The following NRXN3 variants were observed in gnomAD, a reference collection of about 807,000 sequenced individuals.
NRXN3 encodes neurexin 3.
Under a neutral mutation model 137.6 loss-of-function variants are expected in NRXN3, and 32 were observed. That is an observed-to-expected ratio of 0.23 (90% confidence interval 0.18 to 0.31). The LOEUF is 0.31. Among genes scored for constraint, NRXN3 ranks in the 10% least tolerant of loss-of-function variants. The probability of loss-of-function intolerance (pLI) is 1.00; values close to 1 mark genes in which losing one functional copy is unlikely to be tolerated. For missense variants in NRXN3, 1,574 were observed against 2,062.5 expected (o/e 0.76, Z 4.59); for synonymous variants, 798 against 784.5 (o/e 1.02, Z -0.29).
chr14:78,877,695 G>A (rs1596823255), intron 10 of NRXN3, among the ~76,000 whole-genome samples: 1 of 152,130 alleles, frequency 6.6e-6, no homozygotes, highest in Admixed American at 6.5e-5. Flanking sequence ...TGTAGAAATA[G>A]TAAAAGCAAA....
intron 19 of NRXN3, among the ~76,000 whole-genome samples, chr14:79,786,953 G>T (rs1278326378): frequency 2.6e-5 from 4 of 152,188 alleles, no homozygotes; most frequent in Admixed American, 2.6e-4. Context: ...AAGAATCATA[G>T]GTTCCTCCTA....
chr14:79,408,564 T>C (rs891935484), intron 15 of NRXN3, among the ~76,000 whole-genome samples: 1 of 152,144 alleles, frequency 6.6e-6, no homozygotes, highest in Non-Finnish European at 1.5e-5. Flanking sequence ...AGACCTAACC[T>C]CAAGCATTTG....
chr14:79,096,589 T>C (rs2050379573), intron 15 of NRXN3, among the ~76,000 whole-genome samples: 1 of 125,768 alleles, frequency 8.0e-6, no homozygotes, highest in African/African-American at 3.0e-5. Flanking sequence ...CTTGTGAAAA[T>C]TGAGATAATG....
At chr14:79,247,385 A>G (rs2075334118) in intron 15 of NRXN3, 1 of 152,140 alleles carries the variant, frequency 6.6e-6, no homozygotes, top group South Asian at 2.1e-4. Context: ...TTAGCAAAAT[A>G]TGCATTGCCA....
At chr14:79,176,605 G>A (rs574292999) in intron 15 of NRXN3, among the ~76,000 whole-genome samples, 5 of 152,270 alleles carry the variant, frequency 3.3e-5, no homozygotes, top group Admixed American at 6.5e-5. Context: ...TGCTGTGCTC[G>A]TTCAGTCCTC....
rs2099416945 is a variant in NRXN3, at chr14:78,966,117, A to G, written c.2488A>G (p.Ser830Gly). The G allele has an allele frequency of 6.2e-7, 1 of 1,614,184 alleles. No homozygotes were observed. The change falls in exon 12 of 21, where the codon AGC (serine) becomes GGC (glycine). Residue 830 changes from serine to glycine, a missense_variant. Coordinates refer to ENST00000335750, the MANE Select transcript of NRXN3 (RefSeq NM_001330195.2). ...EKRYISVVPS[S>G]FIGHLQSLMF... Reference sequence around the variant, plus strand: ...ACGCTACATCTCCGTTGTCCCCTCCAGCTTTATTGGCCATCTGCAGAGCCT... The same window carrying G: ...ACGCTACATCTCCGTTGTCCCCTCCGGCTTTATTGGCCATCTGCAGAGCCT...
intron 15 of NRXN3, among the ~76,000 whole-genome samples, chr14:78,995,606 A>T (rs777414979): frequency 2.0e-5 from 3 of 152,216 alleles, no homozygotes; most frequent in Non-Finnish European, 2.9e-5. Flanking sequence ...AGTTTAGGAG[A>T]TATGGCACAT....
chr14:79,191,332 A>G (rs902359995), intron 15 of NRXN3, among the ~76,000 whole-genome samples: 6 of 152,218 alleles, frequency 3.9e-5, no homozygotes, highest in African/African-American at 1.4e-4. Context: ...TCAGAAATTG[A>G]TGATAGATGA....
intron 15 of NRXN3, among the ~76,000 whole-genome samples, chr14:79,363,736 C>A (rs1375880933): frequency 6.6e-6 from 1 of 152,186 alleles, no homozygotes; most frequent in Non-Finnish European, 1.5e-5. Context: ...ATGATATTTT[C>A]ATTCCAGCTC....
At chr14:78,416,722 T>C (rs1353455699) in intron 4 of NRXN3, among the ~76,000 whole-genome samples, 1 of 152,232 alleles carries the variant, frequency 6.6e-6, no homozygotes, top group Non-Finnish European at 1.5e-5. Context: ...GGCACATGGA[T>C]CCAGGTGGGC....
At chr14:79,655,057 C>G (rs2098498821) in intron 16 of NRXN3, among the ~76,000 whole-genome samples, 1 of 152,190 alleles carries the variant, frequency 6.6e-6, no homozygotes. Flanking sequence ...GAAGAAATTT[C>G]TCCTTTGCAT....
chr14:79,475,316 A>G (rs903113399), intron 16 of NRXN3, among the ~76,000 whole-genome samples: 2 of 152,166 alleles, frequency 1.3e-5, no homozygotes, highest in African/African-American at 4.8e-5. Context: ...GAAAGGCCAA[A>G]TGGCTATATC....
At chr14:79,395,845 A>G (rs1385033962) in intron 15 of NRXN3, among the ~76,000 whole-genome samples, 1 of 152,070 alleles carries the variant, frequency 6.6e-6, no homozygotes, top group East Asian at 1.9e-4. Flanking sequence ...AATATAAAAC[A>G]ATGAAATAAA....
chr14:78,559,283 A>G (rs1252015063), intron 4 of NRXN3, among the ~76,000 whole-genome samples: 1 of 152,150 alleles, frequency 6.6e-6, no homozygotes, highest in Admixed American at 6.5e-5. Context: ...CATGCTGTAT[A>G]TCTTAATGCA....
chr14:78,941,639 A>C (rs148338408), intron 10 of NRXN3, among the ~76,000 whole-genome samples: 1 of 152,220 alleles, frequency 6.6e-6, no homozygotes, highest in African/African-American at 2.4e-5. Flanking sequence ...TTGGCTTTGC[A>C]TCTACTTAGT....
At chr14:78,936,850 C>G (rs1018694977) in intron 10 of NRXN3, among the ~76,000 whole-genome samples, 1 of 152,018 alleles carries the variant, frequency 6.6e-6, no homozygotes, top group Admixed American at 6.5e-5. Flanking sequence ...AGAATCTTAC[C>G]CTTTTCATGC....
At chr14:78,224,487 C>T (rs1234906957) in intron 1 of NRXN3, among the ~76,000 whole-genome samples, 1 of 151,990 alleles carries the variant, frequency 6.6e-6, no homozygotes, top group Non-Finnish European at 1.5e-5. Flanking sequence ...CATGTGTTCT[C>T]ATTGTTCAAT....
chr14:78,828,541 A>G (rs1446798229), intron 10 of NRXN3, among the ~76,000 whole-genome samples: 1 of 152,228 alleles, frequency 6.6e-6, no homozygotes, highest in Non-Finnish European at 1.5e-5. Context: ...CTTATTGGTA[A>G]GGCTGAGTTC....
chr14:78,745,782 A>G (rs1490787144), intron 8 of NRXN3, among the ~76,000 whole-genome samples: 1 of 152,202 alleles, frequency 6.6e-6, no homozygotes, highest in East Asian at 1.9e-4. Flanking sequence ...TGATTAAAAA[A>G]TATTTAATTT....
Sources: gnomAD v4.1 joint callset for allele counts (sites outside exome capture counted in the v4.1 genomes callset) on GRCh38, gnomAD v4.1.1 for gene constraint, MANE v1.5 for transcripts, NCBI Gene and HGNC (gene_info 2026-07-23, HGNC 2026-07-21) for gene names.